EPHB2: variants seen among roughly 807,000 people sequenced by gnomAD.
EPHB2 encodes EPH receptor B2.
EPHB2 carries 18 observed loss-of-function variants against 96.4 expected under a neutral mutation model. That is an observed-to-expected ratio of 0.19 (90% confidence interval 0.13 to 0.28). The LOEUF (loss-of-function observed/expected upper bound fraction) is 0.28, where lower values mean the gene tolerates loss of function less well. Among genes scored for constraint, EPHB2 ranks in the 10% least tolerant of loss-of-function variants. EPHB2 has a pLI of 1.00. For missense variants in EPHB2, 989 were observed against 1,355.4 expected, an observed-to-expected ratio of 0.73 and a Z score of 4.25; for synonymous variants, 506 against 534.1, an observed-to-expected ratio of 0.95 and a Z score of 0.72.
At chr1:22,776,701 A>G (rs1490083820) in intron 1 of EPHB2, among the ~76,000 whole-genome samples, 1 of 152,222 alleles carries the variant, frequency 6.6e-6, no homozygotes, top group Non-Finnish European at 1.5e-5. Context: ...CCTCTTTAAG[A>G]TGCATTTAAG....
chr1:22,796,586 C>T (rs1644770257), intron 3 of EPHB2, among the ~76,000 whole-genome samples: 1 of 152,226 alleles, frequency 6.6e-6, no homozygotes, highest in Non-Finnish European at 1.5e-5. Flanking sequence ...ACAAAGGGGG[C>T]CAAGGCCACA....
At chr1:22,908,915 G>A in intron 12 of EPHB2, 107 bp from the exon 13 acceptor site, 1 of 1,520,376 alleles carries the variant, frequency 6.6e-7, no homozygotes, top group Non-Finnish European at 9.0e-7. Context: ...GCACAATGAG[G>A]TGCCTCATGA....
At chr1:22,872,450 A>G (rs1453819157) in intron 5 of EPHB2, among the ~76,000 whole-genome samples, 1 of 152,202 alleles carries the variant, frequency 6.6e-6, no homozygotes, top group Non-Finnish European at 1.5e-5. Flanking sequence ...ATGTAAGGTA[A>G]CATATTCACA....
intron 1 of EPHB2, among the ~76,000 whole-genome samples, chr1:22,763,980 G>A (rs756922828): frequency 9.9e-5 from 15 of 152,082 alleles, no homozygotes; most frequent in Admixed American, 2.0e-4. Flanking sequence ...CCCCTCTTAC[G>A]AGGACACTCA....
chr1:22,823,005 AC>A (rs1645173958), intron 3 of EPHB2, among the ~76,000 whole-genome samples: 1 of 152,196 alleles, frequency 6.6e-6, no homozygotes, highest in Admixed American at 6.5e-5. Context: ...ACTGAGACCT[AC>A]ATATACCCTA....
intron 6 of EPHB2, among the ~76,000 whole-genome samples, chr1:22,883,624 T>G (rs1265608226): frequency 1.3e-5 from 2 of 152,274 alleles, no homozygotes; most frequent in Non-Finnish European, 2.9e-5. Flanking sequence ...AAGAGTGCAG[T>G]CAATTGCAGC....
At chr1:22,789,693 G>GT (rs1376787686) in intron 3 of EPHB2, among the ~76,000 whole-genome samples, 12 of 152,348 alleles carry the variant, frequency 7.9e-5, no homozygotes, top group African/African-American at 2.2e-4. Flanking sequence ...CCCTCCCAGA[G>GT]TTTTTTGTCT....
intron 6 of EPHB2, among the ~76,000 whole-genome samples, chr1:22,885,234 A>AC (rs398102578): frequency 1.3e-5 from 2 of 151,996 alleles, no homozygotes; most frequent in Non-Finnish European, 2.9e-5. Context: ...CAAAAAAAAA[A>AC]CTAATTAAGA....
chr1:22,741,090 G>A lies in EPHB2; in HGVS notation c.61+30047G>A, dbSNP rs111698082. On this transcript the variant is annotated intron_variant, in intron 1 of 15. Transcript: ENST00000374630. ...CCCTGTGGTGGGGGATGCAGGTCCC[G>A]TTTTCCTATGGGGCACTGGCTTTGG... Among the ~76,000 whole-genome samples, 152 of 152,126 alleles carry A rather than the reference G, an allele frequency of 1.0e-3. No homozygotes were observed. In the East Asian group the frequency reaches 0.019, roughly 19 times the overall value.
intron 1 of EPHB2, among the ~76,000 whole-genome samples, chr1:22,742,063 G>A (rs1643910923): frequency 6.8e-6 from 1 of 147,672 alleles, no homozygotes; most frequent in Non-Finnish European, 1.5e-5. Flanking sequence ...CTTGCCCGAG[G>A]TCCCCTGGGT....
At chr1:22,855,233 G>A (rs1007376907) in intron 3 of EPHB2, among the ~76,000 whole-genome samples, 5 of 152,306 alleles carry the variant, frequency 3.3e-5, no homozygotes, top group East Asian at 1.9e-4. Context: ...CAGTGAAGCC[G>A]CCAGCCCCCC....
intron 3 of EPHB2, among the ~76,000 whole-genome samples, chr1:22,797,292 C>G (rs568939229): frequency 6.6e-6 from 1 of 152,316 alleles, no homozygotes; most frequent in South Asian, 2.1e-4. Context: ...CCAGTGATGT[C>G]CATGTTGCCA....
intron 5 of EPHB2, among the ~76,000 whole-genome samples, chr1:22,873,768 CA>C (rs1487355868): frequency 6.6e-6 from 1 of 152,190 alleles, no homozygotes; most frequent in African/African-American, 2.4e-5. Flanking sequence ...TCTCAGGTTG[CA>C]GTGGAAGGAG....
intron 3 of EPHB2, among the ~76,000 whole-genome samples, chr1:22,832,418 A>G (rs1034389492): frequency 6.6e-6 from 1 of 152,178 alleles, no homozygotes; most frequent in African/African-American, 2.4e-5. Flanking sequence ...TGCAAGCCAC[A>G]TTCATCCTTT....
intron 3 of EPHB2, among the ~76,000 whole-genome samples, chr1:22,811,026 C>T (rs139540334): frequency 6.5e-4 from 99 of 152,248 alleles, no homozygotes; most frequent in African/African-American, 2.3e-3. Context: ...AAGAAAGGGT[C>T]CTGTCTCAGC....
chr1:22,761,162 C>T (rs1020103546), intron 1 of EPHB2, among the ~76,000 whole-genome samples: 6 of 152,146 alleles, frequency 3.9e-5, no homozygotes, highest in Non-Finnish European at 8.8e-5. Context: ...TCAGGGAATG[C>T]CAGGACTGAT....
intron 1 of EPHB2, among the ~76,000 whole-genome samples, chr1:22,772,417 G>A (rs1344815502): frequency 6.6e-6 from 1 of 152,224 alleles, no homozygotes; most frequent in East Asian, 1.9e-4. Context: ...TGTGCTATGA[G>A]AGTCCTCGGG....
At chr1:22,777,772 G>A (rs1172859968) in intron 1 of EPHB2, among the ~76,000 whole-genome samples, 1 of 152,134 alleles carries the variant, frequency 6.6e-6, no homozygotes, top group African/African-American at 2.4e-5. Flanking sequence ...GAGCCTCTTG[G>A]GCCTGCCTTT....
Position 22,800,519 on chromosome 1 carries a change from C to T in EPHB2, c.811+15443C>T, listed in dbSNP as rs116195714. On this transcript the variant is annotated intron_variant, in intron 3 of 15. Transcript: ENST00000374630. ...AGGGAGGTCCCCATCTGTGTGTACA[C>T]GCCACTGCTGTTGAGTACGCTCACT... Among the ~76,000 whole-genome samples, 854 of 152,266 alleles carry T rather than the reference C, an allele frequency of 5.6e-3. 9 individuals carry two copies. The highest frequency in any genetic ancestry group is 0.02 in the African/African-American group (821 of 41,552).
Sources: allele counts gnomAD v4.1 joint callset (sites outside exome capture counted in the v4.1 genomes callset), GRCh38; gene constraint gnomAD v4.1.1; transcripts MANE v1.5; gene names NCBI Gene and HGNC (gene_info 2026-07-23, HGNC 2026-07-21).